The following PLXNA4 variants were observed in gnomAD, a reference collection of about 807,000 sequenced individuals.
PLXNA4 encodes plexin-A4.
PLXNA4 carries 44 observed loss-of-function variants against 191.8 expected under a neutral mutation model. That is an observed-to-expected ratio of 0.23 (90% confidence interval 0.18 to 0.29). PLXNA4 has a LOEUF of 0.29. PLXNA4 is among the 10% of genes least tolerant of loss of function. The pLI is 1.00. For synonymous variants in PLXNA4, 1,082 were observed against 1,009.5 expected (o/e 1.07, Z -1.36); for missense variants, 1,800 against 2,488.8 (o/e 0.72, Z 5.89).
At chr7:132,349,263 A>T (rs1450590819) in intron 3 of PLXNA4, among the ~76,000 whole-genome samples, 1 of 152,150 alleles carries the variant, frequency 6.6e-6, no homozygotes, top group Non-Finnish European at 1.5e-5. Context: ...CTATGTATAG[A>T]AGCCACGTCA....
intron 25 of PLXNA4, among the ~76,000 whole-genome samples, chr7:132,151,298 A>AAGGAGGAGGAGGAAGAAGGAGG (rs1491294408): frequency 3.8e-4 from 12 of 31,642 alleles, no homozygotes; most frequent in African/African-American, 9.9e-4. Context: ...GAGGAAGAAG[A>AAGGAGGAGGAGGAAGAAGGAGG]AGGAGGAGGA....
rs768455072 is a variant in PLXNA4, at chr7:132,276,629, T to G, written c.1503+21462A>C. ...TCTTGCCGTTCCCACTCTTCCCCTTTGCCCTGTTACAATCTGGTTAGCCCT... is the reference window on the plus strand; with the variant it reads ...TCTTGCCGTTCCCACTCTTCCCCTTGGCCCTGTTACAATCTGGTTAGCCCT... On this transcript the variant is annotated intron_variant, in intron 4 of 31. Coordinates refer to ENST00000321063, the MANE Select transcript of PLXNA4 (RefSeq NM_020911.2). 8.5e-5 allele frequency among the ~76,000 whole-genome samples: 13 copies of G among 152,230 alleles called. 1 individual carries two copies. Among genetic ancestry groups the G allele is most frequent in the Non-Finnish European group, 7.3e-5 (5 of 68,048 alleles).
At chr7:132,598,507 T>C (rs1802759312) in intron 2 of PLXNA4, among the ~76,000 whole-genome samples, 1 of 151,246 alleles carries the variant, frequency 6.6e-6, no homozygotes, top group African/African-American at 2.5e-5. Flanking sequence ...TACATTAAAG[T>C]AACATTTTAA....
intron 3 of PLXNA4, among the ~76,000 whole-genome samples, chr7:132,366,784 C>T (rs900400527): frequency 6.6e-6 from 1 of 152,158 alleles, no homozygotes; most frequent in Admixed American, 6.5e-5. Flanking sequence ...TTTTTTGAGA[C>T]AGTGCCTTGC....
chr7:132,465,314 T>A (rs1033899609), intron 3 of PLXNA4, among the ~76,000 whole-genome samples: 1 of 152,210 alleles, frequency 6.6e-6, no homozygotes, highest in Non-Finnish European at 1.5e-5. Flanking sequence ...CTGAAACCAC[T>A]TCGTACCCAC....
At chr7:132,300,416 C>T (rs1801259867) in intron 3 of PLXNA4, among the ~76,000 whole-genome samples, 1 of 152,100 alleles carries the variant, frequency 6.6e-6, no homozygotes, top group African/African-American at 2.4e-5. Flanking sequence ...AACACTTGAA[C>T]CTGACAAATA....
chr7:132,151,394 AGGAGGAGGAGGAGGAAGG>A, intron 25 of PLXNA4, among the ~76,000 whole-genome samples: 3 of 80,424 alleles, frequency 3.7e-5, no homozygotes, highest in South Asian at 6.1e-4. Flanking sequence ...AGGAGAAAGG[AGGAGGAGGAGGAGGAAGG>A]AGGAGGAGGA....
intron 4 of PLXNA4, among the ~76,000 whole-genome samples, chr7:132,292,798 T>A (rs192847577): frequency 6.6e-6 from 1 of 152,202 alleles, no homozygotes; most frequent in African/African-American, 2.4e-5. Context: ...CAAAAAGACT[T>A]AATAGGAAGA....
chr7:132,315,264 T>G (rs1033232344), intron 3 of PLXNA4, among the ~76,000 whole-genome samples: 7 of 152,202 alleles, frequency 4.6e-5, no homozygotes, highest in African/African-American at 7.2e-5. Flanking sequence ...GAGTTGAGCA[T>G]GTACTGTGTA....
At chr7:132,490,423 CTTTTT>C in intron 2 of PLXNA4, among the ~76,000 whole-genome samples, 1 of 110,520 alleles carries the variant, frequency 9.0e-6, no homozygotes, top group African/African-American at 3.7e-5. Context: ...CCTTTTCTTC[CTTTTT>C]TTTTTTTTTT....
intron 20 of PLXNA4, among the ~76,000 whole-genome samples, chr7:132,178,709 C>CACAG: frequency 1.2e-5 from 1 of 82,100 alleles, no homozygotes; most frequent in East Asian, 3.4e-4. Flanking sequence ...CATACACATA[C>CACAG]ACATACACAC....
intron 1 of PLXNA4, among the ~76,000 whole-genome samples, chr7:132,574,540 C>T (rs758077659): frequency 1.3e-5 from 2 of 152,208 alleles, no homozygotes; most frequent in African/African-American, 2.4e-5. Context: ...ACTCTGAGAA[C>T]GCATGTGTGT....
intron 3 of PLXNA4, among the ~76,000 whole-genome samples, chr7:132,345,750 T>A (rs560183341): frequency 2.0e-5 from 3 of 152,248 alleles, no homozygotes; most frequent in African/African-American, 7.2e-5. Flanking sequence ...GGCAGAACAG[T>A]CCCAGCCTCA....
intron 2 of PLXNA4, among the ~76,000 whole-genome samples, chr7:132,501,290 G>A (rs1798240004): frequency 6.6e-6 from 1 of 152,208 alleles, no homozygotes; most frequent in Non-Finnish European, 1.5e-5. Context: ...CAGACATCAA[G>A]GACAGAAAGA....
chr7:132,187,167 C>T (rs1373020067), intron 15 of PLXNA4, among the ~76,000 whole-genome samples: 2 of 152,132 alleles, frequency 1.3e-5, no homozygotes, highest in Admixed American at 1.3e-4. Context: ...GCATTCCCCA[C>T]TCCCTAACCC....
At chr7:132,647,465 A>G (rs1803897727) in intron 1 of PLXNA4, among the ~76,000 whole-genome samples, 1 of 152,152 alleles carries the variant, frequency 6.6e-6, no homozygotes, top group South Asian at 2.1e-4. Context: ...ATACACAGTC[A>G]CACATATACT....
chr7:132,449,361 A>G (rs1423106709), intron 3 of PLXNA4, among the ~76,000 whole-genome samples: 1 of 152,206 alleles, frequency 6.6e-6, no homozygotes, highest in Admixed American at 6.5e-5. Flanking sequence ...AAAACAATCC[A>G]AAGCCTAGTC....
At chr7:132,355,288 T>C (rs766924211) in intron 3 of PLXNA4, among the ~76,000 whole-genome samples, 1 of 152,240 alleles carries the variant, frequency 6.6e-6, no homozygotes, top group African/African-American at 2.4e-5. Flanking sequence ...CGTCCAAGTC[T>C]GTTCCTCCAG....
At chr7:132,553,151 T>C (rs1178848796) in intron 1 of PLXNA4, among the ~76,000 whole-genome samples, 2 of 152,184 alleles carry the variant, frequency 1.3e-5, no homozygotes, top group East Asian at 3.9e-4. Context: ...ATGGATGATC[T>C]AGAAGCCTTG....
Sources: allele counts gnomAD v4.1 joint callset (sites outside exome capture counted in the v4.1 genomes callset), GRCh38; gene constraint gnomAD v4.1.1; transcripts MANE v1.5; gene names NCBI Gene and HGNC (gene_info 2026-07-23, HGNC 2026-07-21).